Variants in WDFY2 observed in about 807,000 individuals in gnomAD.
The protein encoded by WDFY2 is WD repeat and FYVE domain containing 2.
WDFY2 carries 36 observed loss-of-function variants against 56.4 expected under a neutral mutation model. The observed-to-expected ratio is 0.64, with a 90% CI of 0.49 to 0.84. The LOEUF (loss-of-function observed/expected upper bound fraction) is 0.84. WDFY2 is among the 40% of genes least tolerant of loss of function. The pLI is 0.00. For missense variants in WDFY2, 444 were observed against 512.2 expected (o/e 0.87, Z 1.29); for synonymous variants, 176 against 183.7 (o/e 0.96, Z 0.34).
At chr13:51,639,966 T>G (rs904434666) in intron 1 of WDFY2, among the ~76,000 whole-genome samples, 1 of 152,204 alleles carries the variant, frequency 6.6e-6, no homozygotes, top group Non-Finnish European at 1.5e-5. Context: ...TATCAATTAT[T>G]ATTATTTTTA....
At position 51,739,100 on chromosome 13, in the gene WDFY2, G is replaced by T. The variant is rs745451162; in HGVS notation, c.650G>T (p.Gly217Val). 6.2e-7 allele frequency: 1 copy of T among 1,602,546 alleles called. No individual in the cohort carries two copies. Among genetic ancestry groups the T allele is most frequent in the Non-Finnish European group, 8.5e-7 (1 of 1,174,804 alleles). Residue 217 changes from glycine (G) to valine (V), a missense_variant, in exon 7 of 12, where the codon GGC becomes GTC. By Grantham distance (109) the Gly-to-Val change is moderately radical. Coordinates refer to ENST00000298125, the MANE Select transcript of WDFY2 (RefSeq NM_052950.4). ...CCAGTCCAGCGGGTGTTGTTCTCAGGCAGTTCAGATCACTCTGTCATCATG... is the reference window on the plus strand; with the variant it reads ...CCAGTCCAGCGGGTGTTGTTCTCAGTCAGTTCAGATCACTCTGTCATCATG... ...WDPVQRVLFSGSSDHSVIMWD... is the reference protein window; with the variant it reads ...WDPVQRVLFSVSSDHSVIMWD...
At chr13:51,697,557 T>G (rs1162797529) in intron 3 of WDFY2, among the ~76,000 whole-genome samples, 1 of 151,162 alleles carries the variant, frequency 6.6e-6, no homozygotes, top group Non-Finnish European at 1.5e-5. Flanking sequence ...CATTTGAGCT[T>G]AGGAGGTTGA....
rs376549441 is a variant in WDFY2, at chr13:51,756,402, T to A, written c.1004T>A (p.Met335Lys). Residue 335 changes from methionine (M) to lysine (K), a missense_variant, in exon 10 of 12, where the codon ATG becomes AAG. Transcript: ENST00000298125. ...CSSKRSSIPLMGFEFEVRVCD... is the reference protein window; with the variant it reads ...CSSKRSSIPLKGFEFEVRVCD... ...TCCAAGCGCTCCTCCATCCCCCTGA[T>A]GGGCTTCGAGTTTGAAGTGAGGGTC... The A allele has an allele frequency of 3.3e-5, 53 of 1,614,018 alleles. No homozygotes were observed. In the South Asian group the frequency reaches 3.5e-4, roughly 11 times the overall value.
At chr13:51,719,457 C>A in intron 5 of WDFY2, 109 bp downstream of exon 5, 1 of 1,260,688 alleles carries the variant, frequency 7.9e-7, no homozygotes, top group Non-Finnish European at 1.1e-6. Flanking sequence ...ATGACAGTTG[C>A]CCAGTGTGGA....
chr13:51,647,230 A>G (rs1955279108), intron 1 of WDFY2, among the ~76,000 whole-genome samples: 1 of 152,206 alleles, frequency 6.6e-6, no homozygotes, highest in South Asian at 2.1e-4. Context: ...ATTCTGAGAC[A>G]TATGTCATTA....
At chr13:51,734,245 C>A (rs1952786962) in intron 6 of WDFY2, among the ~76,000 whole-genome samples, 1 of 152,194 alleles carries the variant, frequency 6.6e-6, no homozygotes, top group South Asian at 2.1e-4. Context: ...AAAATTAGTT[C>A]CCTAAGCATT....
chr13:51,681,621 A>C (rs1955977885), intron 3 of WDFY2, among the ~76,000 whole-genome samples: 1 of 152,170 alleles, frequency 6.6e-6, no homozygotes, highest in South Asian at 2.1e-4. Flanking sequence ...TACAGCGTTA[A>C]GTAGACATTT....
At chr13:51,690,895 G>C (rs1275159971) in intron 3 of WDFY2, among the ~76,000 whole-genome samples, 1 of 152,136 alleles carries the variant, frequency 6.6e-6, no homozygotes, top group Non-Finnish European at 1.5e-5. Context: ...ATTCTAACTG[G>C]TGTGAGATGG....
chr13:51,690,889 T>G (rs1956141365), intron 3 of WDFY2, among the ~76,000 whole-genome samples: 1 of 152,244 alleles, frequency 6.6e-6, no homozygotes, highest in Admixed American at 6.5e-5. Flanking sequence ...ATTGCCATTC[T>G]AACTGGTGTG....
At chr13:51,704,774 A>AT (rs1486697417) in intron 4 of WDFY2, among the ~76,000 whole-genome samples, 12 of 152,170 alleles carry the variant, frequency 7.9e-5, no homozygotes, top group Non-Finnish European at 1.2e-4. Context: ...TGCAATTATT[A>AT]TTTATCAAGT....
At chr13:51,654,489 G>T (rs777473888) in intron 1 of WDFY2, among the ~76,000 whole-genome samples, 16 of 152,242 alleles carry the variant, frequency 1.1e-4, no homozygotes, top group African/African-American at 2.4e-4. Context: ...CGCCTTCTGC[G>T]TCGCTCACGG....
intron 3 of WDFY2, among the ~76,000 whole-genome samples, chr13:51,690,183 A>ATT (rs1956126608): frequency 7.8e-5 from 1 of 12,836 alleles, no homozygotes; most frequent in Non-Finnish European, 1.6e-4. Flanking sequence ...GATTTAGATC[A>ATT]TTATATATAT....
intron 3 of WDFY2, among the ~76,000 whole-genome samples, chr13:51,688,218 A>G (rs1212269658): frequency 6.6e-6 from 1 of 152,164 alleles, no homozygotes; most frequent in African/African-American, 2.4e-5. Context: ...TCCAGGTGTC[A>G]GACTTGGGTA....
chr13:51,665,784 C>T (rs1185286322), intron 2 of WDFY2, among the ~76,000 whole-genome samples: 1 of 152,166 alleles, frequency 6.6e-6, no homozygotes, highest in Admixed American at 6.5e-5. Context: ...GAATTGAAAA[C>T]CCACTGTGGG....
chr13:51,676,572 T>C (rs534971095), intron 3 of WDFY2, among the ~76,000 whole-genome samples: 9 of 152,332 alleles, frequency 5.9e-5, no homozygotes, highest in Admixed American at 5.9e-4. Flanking sequence ...CAAATGTTAG[T>C]GGGCCTAAAG....
At position 51,745,431 on chromosome 13, in the gene WDFY2, C is replaced by T. The variant is rs532788141; in HGVS notation, c.726-5879C>T. On this transcript the variant is annotated intron_variant, in intron 7 of 11. Transcript: ENST00000298125. ...ATGTGAAAATGAATTTGTTAGCAGA[C>T]GCACAGCTGGCTTCTCCCATGGGCA... 1.4e-4 allele frequency among the ~76,000 whole-genome samples: 21 copies of T among 152,248 alleles called. No homozygotes were observed. The Middle Eastern group carries it at 0.01, about 74-fold the overall frequency.
At chr13:51,691,060 A>G (rs1956145709) in intron 3 of WDFY2, among the ~76,000 whole-genome samples, 1 of 151,934 alleles carries the variant, frequency 6.6e-6, no homozygotes. Context: ...TTTTTGTTGT[A>G]AATTTGTTTG....
At chr13:51,706,718 C>T (rs554415958) in intron 4 of WDFY2, among the ~76,000 whole-genome samples, 1 of 152,324 alleles carries the variant, frequency 6.6e-6, no homozygotes, top group Admixed American at 6.5e-5. Context: ...CCCACGGTTA[C>T]TTGCTAGAAA....
At chr13:51,729,345 C>A (rs962149727) in intron 6 of WDFY2, among the ~76,000 whole-genome samples, 11 of 151,824 alleles carry the variant, frequency 7.2e-5, no homozygotes, top group African/African-American at 2.7e-4. Context: ...CTTCACCATC[C>A]TTCCCAAGCC....
Sources: gnomAD v4.1 joint callset for allele counts (sites outside exome capture counted in the v4.1 genomes callset) on GRCh38, gnomAD v4.1.1 for gene constraint, MANE v1.5 for transcripts, NCBI Gene and HGNC (gene_info 2026-07-23, HGNC 2026-07-21) for gene names.